The following N4BP2 variants were observed in gnomAD, a reference collection of about 807,000 sequenced individuals.
N4BP2 encodes NEDD4-binding protein 2.
In N4BP2, 91 loss-of-function variants were observed where a neutral mutation model predicts 152.8. The observed-to-expected ratio is 0.60, with a 90% confidence interval of 0.50 to 0.71. The LOEUF is 0.71. Among genes scored for constraint, N4BP2 ranks in the 30% least tolerant of loss-of-function variants. The pLI is 0.00. For synonymous variants in N4BP2, 646 were observed against 705.3 expected (o/e 0.92, Z 1.33); for missense variants, 1,923 against 2,059.1 (o/e 0.93, Z 1.28).
Position 40,121,019 on chromosome 4 carries a change from G to A in N4BP2, c.2908G>A (p.Gly970Arg), listed in dbSNP as rs766658779. 1 of 1,614,044 alleles carries A rather than the reference G, an allele frequency of 6.2e-7. No individual in the cohort carries two copies. The highest frequency in any genetic ancestry group is 8.5e-7 in the Non-Finnish European group (1 of 1,180,012). Residue 970 changes from glycine to arginine, a missense_variant, in exon 9 of 18, where the codon GGG becomes AGG. Gly to Arg is a moderately radical substitution (Grantham distance 125, BLOSUM62 -2). Transcript: ENST00000261435. ...SQTCLSKKSHGQHTSLPLTFT... is the reference protein window; with the variant it reads ...SQTCLSKKSHRQHTSLPLTFT... Reference sequence around the variant, plus strand: ...GACTTGTCTAAGTAAAAAGAGTCATGGGCAACACACATCGTTGCCTCTTAC... The same window carrying A: ...GACTTGTCTAAGTAAAAAGAGTCATAGGCAACACACATCGTTGCCTCTTAC...
downstream of N4BP2, among the ~76,000 whole-genome samples, chr4:40,160,268 G>A (rs1037645021): frequency 6.6e-5 from 10 of 152,166 alleles, no homozygotes; most frequent in East Asian, 3.8e-4. Context: ...ACATTAGCCC[G>A]CCCTATTTAA....
intron 2 of N4BP2, among the ~76,000 whole-genome samples, chr4:40,082,017 C>G (rs1054171032): frequency 6.6e-6 from 1 of 152,184 alleles, no homozygotes; most frequent in Non-Finnish European, 1.5e-5. Flanking sequence ...GAGGCTGAGA[C>G]AGGAGACTCG....
At chr4:40,185,314 G>GT in the N4BP2 span, among the ~76,000 whole-genome samples, 1 of 152,016 alleles carries the variant, frequency 6.6e-6, no homozygotes, top group Non-Finnish European at 1.5e-5. Flanking sequence ...AGCAATAGTG[G>GT]TTTTTGCTGT....
At chr4:40,077,489 T>C (rs1271922004) in intron 2 of N4BP2, among the ~76,000 whole-genome samples, 1 of 146,754 alleles carries the variant, frequency 6.8e-6, no homozygotes, top group African/African-American at 2.5e-5. Context: ...AGTCTCGCTC[T>C]GTCACCCAGG....
At position 40,142,545 on chromosome 4, in the gene N4BP2, T is replaced by C. The variant is rs973240743; in HGVS notation, c.4786-128T>C. ...CTTACAAGGTAGACGCTGGGGAGAA[T>C]CTATTTCCTGAGGAGAGAGATGAAA... is the stretch of plus-strand genomic sequence containing the variant. On this transcript the variant is annotated intron_variant, in intron 14 of 17. Coordinates refer to ENST00000261435, the MANE Select transcript of N4BP2 (RefSeq NM_018177.6). The C allele has an allele frequency of 7.6e-5, 48 of 632,024 alleles. No individual in the cohort carries two copies. The African/African-American group carries it at 8.1e-4, about 11-fold the overall frequency. 39.2% of individuals were successfully genotyped at this position (632,024 alleles called of 1,614,324 possible).
At chr4:40,108,233 C>T (rs537626249) in intron 5 of N4BP2, among the ~76,000 whole-genome samples, 1 of 152,146 alleles carries the variant, frequency 6.6e-6, no homozygotes, top group African/African-American at 2.4e-5. Context: ...CATGCCCAGC[C>T]TGGTTACTGC....
intron 12 of N4BP2, among the ~76,000 whole-genome samples, chr4:40,127,671 A>AT (rs375278533): frequency 4.0e-5 from 6 of 151,198 alleles, no homozygotes; most frequent in South Asian, 4.2e-4. Flanking sequence ...ATATATATAT[A>AT]TTTTTTTGAG....
At chr4:40,137,866 G>C (rs1347043379) in intron 14 of N4BP2, among the ~76,000 whole-genome samples, 1 of 152,174 alleles carries the variant, frequency 6.6e-6, no homozygotes, top group African/African-American at 2.4e-5. Flanking sequence ...GACTTCCCCT[G>C]GTTGTCTGAT....
At chr4:40,103,790 T>A (rs76263584) in intron 4 of N4BP2, among the ~76,000 whole-genome samples, 2,866 of 152,260 alleles carry the variant, frequency 0.019, 101 homozygotes, top group African/African-American at 0.066. Context: ...CCTTCTGTAG[T>A]TAAGGTAGGC....
At chr4:40,142,496 T>C in intron 14 of N4BP2, 177 bp from the exon 15 acceptor site, 1 of 563,034 alleles carries the variant, frequency 1.8e-6, no homozygotes. Context: ...ATAAAAAAGT[T>C]AATGATAGTC....
At chr4:40,057,729 T>C (rs1310124357) in intron 1 of N4BP2, among the ~76,000 whole-genome samples, 3 of 152,140 alleles carry the variant, frequency 2.0e-5, no homozygotes, top group African/African-American at 7.2e-5. Flanking sequence ...TGAGTCATCT[T>C]AGCGGGGGCA....
intron 6 of N4BP2, among the ~76,000 whole-genome samples, chr4:40,112,924 G>C (rs1169913995): frequency 6.6e-6 from 1 of 152,146 alleles, no homozygotes; most frequent in Non-Finnish European, 1.5e-5. Context: ...GGCTGGTCTT[G>C]AACTCCTGAC....
At chr4:40,152,301 C>T (rs1193289669) in intron 16 of N4BP2, among the ~76,000 whole-genome samples, 1 of 152,172 alleles carries the variant, frequency 6.6e-6, no homozygotes, top group Non-Finnish European at 1.5e-5. Context: ...TCCATGGTCA[C>T]ACAGTCATTT....
Position 40,097,314 on chromosome 4 carries a change from G to A in N4BP2, c.-27G>A. ...TGTCAAACATCTTAACTAAGAAAAG[G>A]GAAACATTTTAGTTTTGGAAGTCAG... On this transcript the variant is annotated 5_prime_UTR_variant, in exon 3 of 18. Coordinates refer to ENST00000261435, the MANE Select transcript of N4BP2 (RefSeq NM_018177.6). The A allele has an allele frequency of 6.3e-7, 1 of 1,580,874 alleles. No homozygotes were observed. Among genetic ancestry groups the A allele is most frequent in the Non-Finnish European group, 8.7e-7 (1 of 1,150,874 alleles).
intron 9 of N4BP2, 66 bp from the exon 10 acceptor site, chr4:40,123,061 G>A: frequency 1.0e-6 from 1 of 1,001,374 alleles, no homozygotes; most frequent in South Asian, 1.4e-5. Context: ...AGGTGGTTTA[G>A]TATGTTTTCT....
chr4:40,181,675 G>A, the N4BP2 span, among the ~76,000 whole-genome samples: 1 of 152,180 alleles, frequency 6.6e-6, no homozygotes, highest in Non-Finnish European at 1.5e-5. Context: ...GTCCGGGTGC[G>A]GTGGCTCACG....
intron 2 of N4BP2, among the ~76,000 whole-genome samples, chr4:40,094,896 C>T (rs1042587511): frequency 2.0e-5 from 3 of 150,996 alleles, no homozygotes; most frequent in Non-Finnish European, 2.9e-5. Flanking sequence ...TGGGTTCAAG[C>T]GATTCTCCTG....
intron 5 of N4BP2, among the ~76,000 whole-genome samples, chr4:40,109,085 G>A (rs527508643): frequency 1.8e-4 from 27 of 151,886 alleles, no homozygotes; most frequent in Non-Finnish European, 2.5e-4. Context: ...GAAGTGCTGG[G>A]ATTACAGACA....
At chr4:40,179,955 G>T in the N4BP2 span, among the ~76,000 whole-genome samples, 123 of 151,864 alleles carry the variant, frequency 8.1e-4, no homozygotes, top group African/African-American at 2.8e-3. Context: ...GTAGAGACAG[G>T]GTTTCTCCAT....
Sources: allele counts gnomAD v4.1 joint callset (sites outside exome capture counted in the v4.1 genomes callset), GRCh38; gene constraint gnomAD v4.1.1; transcripts MANE v1.5; gene names NCBI Gene and HGNC (gene_info 2026-07-23, HGNC 2026-07-21).